TMEM178B: variants seen among roughly 807,000 people sequenced by gnomAD.
TMEM178B encodes transmembrane protein 178B.
TMEM178B carries 5 observed loss-of-function variants against 31.0 expected under a neutral mutation model. The observed-to-expected ratio is 0.16, with a 90% CI of 0.08 to 0.34. TMEM178B has a LOEUF of 0.34. Ranked by LOEUF, TMEM178B falls within the 10% of genes least tolerant of loss-of-function variation. TMEM178B has a pLI of 1.00. For missense variants in TMEM178B, 275 were observed against 400.3 expected (o/e 0.69, Z 2.67); for synonymous variants, 164 against 164.0 (o/e 1.00, Z 0.00).
At chr7:141,402,645 G>A (rs1051603832) in intron 2 of TMEM178B, among the ~76,000 whole-genome samples, 4 of 152,230 alleles carry the variant, frequency 2.6e-5, no homozygotes, top group Non-Finnish European at 5.9e-5. Context: ...GCCTGAAGAC[G>A]GGAGGTCAGA....
chr7:141,219,797 C>T (rs759471625), intron 2 of TMEM178B, among the ~76,000 whole-genome samples: 1 of 152,170 alleles, frequency 6.6e-6, no homozygotes, highest in African/African-American at 2.4e-5. Flanking sequence ...CATGCCAGGA[C>T]ACTTCCTTTC....
intron 2 of TMEM178B, among the ~76,000 whole-genome samples, chr7:141,221,330 C>A (rs1161935744): frequency 1.3e-5 from 2 of 152,186 alleles, no homozygotes; most frequent in Non-Finnish European, 2.9e-5. Context: ...GGAAGAGGAA[C>A]AGGAACAGGT....
chr7:141,365,102 C>T (rs1192044493), intron 2 of TMEM178B, among the ~76,000 whole-genome samples: 2 of 152,260 alleles, frequency 1.3e-5, no homozygotes, highest in Admixed American at 1.3e-4. Context: ...TCAGAAACCC[C>T]ATCTCCTCAT....
At chr7:141,281,063 G>C (rs1234280538) in intron 2 of TMEM178B, among the ~76,000 whole-genome samples, 2 of 152,096 alleles carry the variant, frequency 1.3e-5, no homozygotes, top group African/African-American at 4.8e-5. Context: ...CTCCTGGGAA[G>C]GGATATTGTG....
chr7:141,096,841 C>A (rs1249731252), intron 1 of TMEM178B, among the ~76,000 whole-genome samples: 2 of 152,114 alleles, frequency 1.3e-5, no homozygotes, highest in African/African-American at 4.8e-5. Flanking sequence ...CACCTGTTAT[C>A]CCAGCACTTG....
At chr7:141,371,166 T>A (rs1295570853) in intron 2 of TMEM178B, among the ~76,000 whole-genome samples, 1 of 152,178 alleles carries the variant, frequency 6.6e-6, no homozygotes. Flanking sequence ...TGAAATTTGG[T>A]CCCCAATATT....
chr7:141,385,630 GCAAC>G (rs1455445427), intron 2 of TMEM178B, among the ~76,000 whole-genome samples: 2 of 152,164 alleles, frequency 1.3e-5, no homozygotes, highest in African/African-American at 2.4e-5. Context: ...TAAGGAGTCA[GCAAC>G]CTTTTTATCC....
chr7:141,074,152 G>C lies in TMEM178B; in HGVS notation c.-159G>C. ...CCCGCCCCCATCCCCGCAGTCCCCG[G>C]GCCGTGCTCCGGTAGGCGGGGGCCG... On this transcript the variant is annotated 5_prime_UTR_variant, in exon 1 of 4. Coordinates refer to ENST00000565468, the MANE Select transcript of TMEM178B (RefSeq NM_001195278.2). The surrounding 1 kb of genome is among the most constrained non-coding windows in gnomAD (Gnocchi z 5.1). The C allele has an allele frequency of 8.9e-7, 1 of 1,118,772 alleles. No homozygotes were observed. The highest frequency in any genetic ancestry group is 1.2e-6 in the Non-Finnish European group (1 of 833,940). The allele number at this position is 1,118,772 out of a possible 1,614,324, so 69.3% of individuals were successfully genotyped here.
intron 1 of TMEM178B, among the ~76,000 whole-genome samples, chr7:141,124,030 CAGGTGTGAA>C (rs1449432217): frequency 6.6e-6 from 1 of 151,434 alleles, no homozygotes; most frequent in African/African-American, 2.4e-5. Flanking sequence ...GCTGGTATTA[CAGGTGTGAA>C]ACACCATCCC....
At chr7:141,510,212 AT>A in the TMEM178B span, among the ~76,000 whole-genome samples, 1 of 152,184 alleles carries the variant, frequency 6.6e-6, no homozygotes, top group African/African-American at 2.4e-5. Flanking sequence ...TAAGCCCAGT[AT>A]TGCCAAGGCC....
At chr7:141,466,526 C>G (rs535760903) in intron 3 of TMEM178B, among the ~76,000 whole-genome samples, 1 of 152,182 alleles carries the variant, frequency 6.6e-6, no homozygotes, top group East Asian at 1.9e-4. Context: ...TTGAGGTTGA[C>G]GTCCTGTTTC....
chr7:141,178,987 T>A (rs1012826247), intron 1 of TMEM178B, among the ~76,000 whole-genome samples: 1 of 152,204 alleles, frequency 6.6e-6, no homozygotes, highest in Non-Finnish European at 1.5e-5. Flanking sequence ...TCTTTTCACT[T>A]GCTTTTGGGT....
chr7:141,217,101 T>C (rs1586831263), intron 2 of TMEM178B, among the ~76,000 whole-genome samples: 1 of 152,334 alleles, frequency 6.6e-6, no homozygotes, highest in South Asian at 2.1e-4. Flanking sequence ...GCATTTTAAA[T>C]GGAGCTGCTT....
At chr7:141,244,257 C>T (rs773626623) in intron 2 of TMEM178B, among the ~76,000 whole-genome samples, 18 of 152,236 alleles carry the variant, frequency 1.2e-4, no homozygotes, top group African/African-American at 4.3e-4. Context: ...CGGTGTAAAA[C>T]GTAACTCACG....
intron 2 of TMEM178B, among the ~76,000 whole-genome samples, chr7:141,330,404 C>T (rs2116489360): frequency 6.6e-6 from 1 of 152,278 alleles, no homozygotes; most frequent in East Asian, 1.9e-4. Flanking sequence ...TGTTAATTTA[C>T]CGAGGATAAT....
rs117300057 is a variant in TMEM178B, at chr7:141,093,093, A to C, written c.382+18401A>C. Among the ~76,000 whole-genome samples the C allele has an allele frequency of 4.2e-3, 643 of 152,312 alleles. 2 individuals carry two copies. The highest frequency in any genetic ancestry group is 8.2e-3 in the African/African-American group (340 of 41,576). On this transcript the variant is annotated intron_variant, in intron 1 of 3. Coordinates refer to ENST00000565468, the MANE Select transcript of TMEM178B (RefSeq NM_001195278.2). Reference sequence around the variant, plus strand: ...GGAAGCACTGCAGGATTTTGAGAAGAGGAGCGATGTGATTAGATTTATGGC... The same window carrying C: ...GGAAGCACTGCAGGATTTTGAGAAGCGGAGCGATGTGATTAGATTTATGGC...
intron 1 of TMEM178B, among the ~76,000 whole-genome samples, chr7:141,182,210 G>A (rs1409256714): frequency 3.3e-5 from 5 of 152,102 alleles, no homozygotes; most frequent in South Asian, 2.1e-4. Context: ...ATGCATGCTC[G>A]CCGGGCAGCA....
intron 2 of TMEM178B, among the ~76,000 whole-genome samples, chr7:141,322,374 A>AG (rs941652406): frequency 6.6e-6 from 1 of 151,880 alleles, no homozygotes; most frequent in Non-Finnish European, 1.5e-5. Context: ...AAAAAAAAAA[A>AG]AAAAAAATTA....
chr7:141,133,613 T>A (rs1442082481), intron 1 of TMEM178B, among the ~76,000 whole-genome samples: 1 of 152,150 alleles, frequency 6.6e-6, no homozygotes, highest in Non-Finnish European at 1.5e-5. Context: ...AACCAAATAT[T>A]TGAATTTTGA....
Sources: gnomAD v4.1 joint callset for allele counts (sites outside exome capture counted in the v4.1 genomes callset) on GRCh38, gnomAD v4.1.1 for gene constraint, Gnocchi (gnomAD v3.1) non-coding constraint, MANE v1.5 for transcripts, NCBI Gene and HGNC (gene_info 2026-07-23, HGNC 2026-07-21) for gene names.